IL15: variants seen among roughly 807,000 people sequenced by gnomAD.
The protein encoded by IL15 is interleukin-15.
IL15 carries 11 observed loss-of-function variants against 19.6 expected under a neutral mutation model. That is an observed-to-expected ratio of 0.56 (90% CI 0.35 to 0.93). The LOEUF (loss-of-function observed/expected upper bound fraction) is 0.93, where lower values mean the gene tolerates loss of function less well. IL15 is among the 40% of genes least tolerant of loss of function. The pLI is 0.01. For missense variants in IL15, 197 were observed against 186.5 expected (o/e 1.06, Z -0.33); for synonymous variants, 58 against 59.6 (o/e 0.97, Z 0.12).
At chr4:141,674,447 G>A (rs1728273418) in intron 2 of IL15, among the ~76,000 whole-genome samples, 2 of 152,130 alleles carry the variant, frequency 1.3e-5, no homozygotes, top group Admixed American at 6.5e-5. Context: ...TTAGCCGGAT[G>A]TGGTGGCACC....
chr4:141,662,129 T>C (rs192949564), intron 2 of IL15, among the ~76,000 whole-genome samples: 11 of 152,358 alleles, frequency 7.2e-5, no homozygotes, highest in Admixed American at 2.0e-4. Flanking sequence ...CAACATATGG[T>C]TAATTTTGGC....
intron 2 of IL15, among the ~76,000 whole-genome samples, chr4:141,667,508 G>A (rs1728030998): frequency 6.6e-6 from 1 of 152,104 alleles, no homozygotes; most frequent in African/African-American, 2.4e-5. Context: ...TGGTGTGAGA[G>A]TAGAGAAAAA....
intron 2 of IL15, among the ~76,000 whole-genome samples, chr4:141,693,655 C>T (rs1314011935): frequency 3.9e-5 from 6 of 152,062 alleles, no homozygotes; most frequent in Admixed American, 3.9e-4. Flanking sequence ...ATGAAAGATA[C>T]TTCTAGATAG....
chr4:141,729,838 T>A lies in IL15; in HGVS notation c.241-9T>A, dbSNP rs781606035. 6.1e-6 allele frequency: 9 copies of A among 1,480,370 alleles called. No homozygotes were observed. The Middle Eastern group carries it at 5.2e-4, about 85-fold the overall frequency. 91.7% of individuals were successfully genotyped at this position (1,480,370 alleles called of 1,614,324 possible). On this transcript the variant is annotated splice_polypyrimidine_tract_variant and intron_variant, in intron 6 of 7. Transcript: ENST00000320650. ...AAAAGTAATTGTTCTTTATAACTTT[T>A]ATTTTTAGCCCAGTTGCAAAGTAAC... is the stretch of plus-strand genomic sequence containing the variant.
intron 2 of IL15, among the ~76,000 whole-genome samples, chr4:141,699,630 T>A (rs890121074): frequency 1.3e-5 from 2 of 152,200 alleles, no homozygotes; most frequent in Admixed American, 6.5e-5. Context: ...CTGTTTTGTC[T>A]GATGTAAAAA....
At chr4:141,714,549 C>T (rs1006065571) in intron 2 of IL15, 5 of 152,262 alleles carry the variant, frequency 3.3e-5, no homozygotes, top group African/African-American at 1.2e-4. Flanking sequence ...AGGCTTCTGC[C>T]TCCATCTAAC....
At chr4:141,696,951 A>G (rs1729118357) in intron 2 of IL15, among the ~76,000 whole-genome samples, 1 of 151,768 alleles carries the variant, frequency 6.6e-6, no homozygotes, top group Non-Finnish European at 1.5e-5. Context: ...TTTTCTCCCA[A>G]TTTGTGGGTT....
At chr4:141,693,819 G>A (rs1348004754) in intron 2 of IL15, among the ~76,000 whole-genome samples, 1 of 152,220 alleles carries the variant, frequency 6.6e-6, no homozygotes, top group East Asian at 1.9e-4. Context: ...ATTCTGGGAG[G>A]AGAGGAAGGA....
At chr4:141,668,362 T>C (rs892086433) in intron 2 of IL15, among the ~76,000 whole-genome samples, 1 of 152,228 alleles carries the variant, frequency 6.6e-6, no homozygotes, top group Non-Finnish European at 1.5e-5. Flanking sequence ...TGCAAGCCTC[T>C]GACTCTCTCC....
chr4:141,670,205 A>T, intron 2 of IL15, among the ~76,000 whole-genome samples: 1 of 152,046 alleles, frequency 6.6e-6, no homozygotes, highest in East Asian at 1.9e-4. Flanking sequence ...ATGCAAAATA[A>T]TGTTTGGCTT....
At chr4:141,731,525 T>C (rs1323222756) in intron 7 of IL15, among the ~76,000 whole-genome samples, 1 of 152,212 alleles carries the variant, frequency 6.6e-6, no homozygotes, top group Non-Finnish European at 1.5e-5. Context: ...GCAAAATAAA[T>C]GATGAGCTCT....
intron 2 of IL15, among the ~76,000 whole-genome samples, chr4:141,683,522 G>A (rs1441432901): frequency 6.7e-6 from 1 of 149,704 alleles, no homozygotes; most frequent in Admixed American, 6.7e-5. Context: ...AGTGAGCCGA[G>A]ATCGCGCCAC....
intron 2 of IL15, among the ~76,000 whole-genome samples, chr4:141,691,308 G>C (rs1261230629): frequency 6.6e-6 from 1 of 152,146 alleles, no homozygotes; most frequent in African/African-American, 2.4e-5. Context: ...TGAGATTTGA[G>C]TGGGGACACA....
intron 2 of IL15, among the ~76,000 whole-genome samples, chr4:141,667,291 T>C (rs1728022959): frequency 1.3e-5 from 2 of 152,134 alleles, no homozygotes; most frequent in African/African-American, 4.8e-5. Context: ...TTATAACTGA[T>C]CGGTTAGAAG....
intron 2 of IL15, among the ~76,000 whole-genome samples, chr4:141,681,008 A>G (rs1348558428): frequency 1.3e-5 from 2 of 152,118 alleles, no homozygotes; most frequent in South Asian, 2.1e-4. Flanking sequence ...TTTTGTGGCC[A>G]TGTCATCCTG....
chr4:141,717,644 C>G (rs1729929707), intron 2 of IL15: 1 of 151,838 alleles, frequency 6.6e-6, no homozygotes, highest in African/African-American at 2.4e-5. Context: ...AGGCAGCAAG[C>G]AGAGCTATAA....
chr4:141,664,902 C>G (rs532143389), intron 2 of IL15, among the ~76,000 whole-genome samples: 1 of 152,068 alleles, frequency 6.6e-6, no homozygotes, highest in East Asian at 1.9e-4. Flanking sequence ...TACAAATTTG[C>G]AATTCCTTTA....
At chr4:141,655,912 G>A (rs1287364475) in intron 1 of IL15, among the ~76,000 whole-genome samples, 1 of 152,076 alleles carries the variant, frequency 6.6e-6, no homozygotes, top group African/African-American at 2.4e-5. Context: ...GCTATATGAA[G>A]CATTATAGGT....
Position 141,733,094 on chromosome 4 carries a change from T to C in IL15, c.*246T>C, listed in dbSNP as rs1730506216. 2.8e-6 allele frequency: 1 copy of C among 360,464 alleles called. No homozygotes were observed. Among genetic ancestry groups the C allele is most frequent in the Admixed American group, 5.1e-5 (1 of 19,664 alleles). 22.3% of individuals were successfully genotyped at this position (360,464 alleles called of 1,614,324 possible). On this transcript the variant is annotated 3_prime_UTR_variant, in exon 8 of 8. Coordinates refer to ENST00000320650, the MANE Select transcript of IL15 (RefSeq NM_000585.5). ...TTTTTTTAATTTATTATTGAAATTG[T>C]ACATATTTGTGGAATAATGTAAAAT... is the stretch of plus-strand genomic sequence containing the variant.
Sources: gnomAD v4.1 joint callset for allele counts (sites outside exome capture counted in the v4.1 genomes callset) on GRCh38, gnomAD v4.1.1 for gene constraint, MANE v1.5 for transcripts, NCBI Gene and HGNC (gene_info 2026-07-23, HGNC 2026-07-21) for gene names.